PALLD: variants seen among roughly 807,000 people sequenced by gnomAD.
PALLD encodes the protein palladin, cytoskeletal associated protein, also known as palladin.
A neutral mutation model predicts 123.5 loss-of-function variants in PALLD; 61 were observed. That is an observed-to-expected ratio of 0.49 (90% CI 0.40 to 0.61). PALLD has a LOEUF of 0.61. Ranked by LOEUF, PALLD falls within the 20% of genes least tolerant of loss-of-function variation. The pLI, the probability that PALLD is intolerant of heterozygous loss-of-function variation, is 0.00. For synonymous variants in PALLD, 465 were observed against 496.4 expected, an observed-to-expected ratio of 0.94 and a Z score of 0.84; for missense variants, 1,273 against 1,377.0, an observed-to-expected ratio of 0.92 and a Z score of 1.20.
chr4:168,756,639 G>A (rs1256220514), intron 10 of PALLD, among the ~76,000 whole-genome samples: 24 of 152,184 alleles, frequency 1.6e-4, no homozygotes, highest in Non-Finnish European at 2.8e-4. Context: ...TGAAGAGTAA[G>A]GGAGAGCAAT....
Position 168,844,528 on chromosome 4 carries a change from C to G in PALLD, c.1965-46394C>G, listed in dbSNP as rs943040714. On this transcript the variant is annotated intron_variant, in intron 10 of 21. Coordinates refer to ENST00000505667, the MANE Select transcript of PALLD (RefSeq NM_001166108.2). The surrounding 1 kb of genome is among the most constrained non-coding windows in gnomAD (Gnocchi z 4.5). ...AGCTTTTCTAACACTGAACTTTTCTCTCTCCAAGTCCCAGTCGCTCGTCAA... is the reference window on the plus strand; with the variant it reads ...AGCTTTTCTAACACTGAACTTTTCTGTCTCCAAGTCCCAGTCGCTCGTCAA... 5.9e-5 allele frequency: 9 copies of G among 152,206 alleles called. No homozygotes were observed. The highest frequency in any genetic ancestry group is 2.2e-4 in the African/African-American group (9 of 41,452). The allele number at this position is 152,206 out of a possible 1,614,324, so 9.4% of individuals were successfully genotyped here. A position where few individuals can be genotyped will look rare whatever the true frequency, so the allele number is the denominator to read the frequency against.
At chr4:168,590,896 T>G (rs373723090) in intron 2 of PALLD, among the ~76,000 whole-genome samples, 16 of 53,980 alleles carry the variant, frequency 3.0e-4, no homozygotes, top group South Asian at 7.0e-4. Context: ...TTTTTTTTTT[T>G]GAGAGGGAGT....
At chr4:168,518,870 G>A (rs1403067469) in intron 2 of PALLD, among the ~76,000 whole-genome samples, 2 of 152,196 alleles carry the variant, frequency 1.3e-5, no homozygotes, top group Admixed American at 6.5e-5. Flanking sequence ...CTAGAACAGT[G>A]TCTGGCATGT....
At position 168,511,588 on chromosome 4, in the gene PALLD, G is replaced by C; in HGVS notation, c.84G>C (p.Pro28=). Residue 28 remains proline, a synonymous_variant, in exon 2 of 22, where the codon CCG becomes CCC. Transcript: ENST00000505667. The stretch of plus-strand genomic sequence containing the variant: ...AAAGCAAGAATACTGACTTCTTCCC[G>C]GGCCTTTCTGCTTTCCTCAGCCAGG... ...QEESKNTDFF[P]GLSAFLSQEE... 1 of 1,613,986 alleles carries C rather than the reference G, an allele frequency of 6.2e-7. No individual in the cohort carries two copies. Among genetic ancestry groups the C allele is most frequent in the Non-Finnish European group, 8.5e-7 (1 of 1,179,936 alleles).
chr4:168,633,660 T>C (rs550906380), intron 2 of PALLD, among the ~76,000 whole-genome samples: 17 of 152,206 alleles, frequency 1.1e-4, no homozygotes, highest in Non-Finnish European at 2.2e-4. Context: ...CAATGATTGC[T>C]CTCTAGGGCT....
chr4:168,512,315 C>A lies in PALLD; in HGVS notation c.811C>A (p.Pro271Thr). The change falls in exon 2 of 22, where the codon CCT (proline) becomes ACT (threonine). Residue 271 changes from proline (P) to threonine (T), a missense_variant. Pro to Thr is a conservative substitution (Grantham distance 38, BLOSUM62 -1). This residue lies in a region of PALLD where 944 missense variants were observed against 954.5 expected (regional missense o/e 0.99). Coordinates refer to ENST00000505667, the MANE Select transcript of PALLD (RefSeq NM_001166108.2). ...CAGCGCCCTCCACTTCCCAGCTGCACCTCGATTCATCCAAAAGCTGAGGAG... is the reference window on the plus strand; with the variant it reads ...CAGCGCCCTCCACTTCCCAGCTGCAACTCGATTCATCCAAAAGCTGAGGAG... ...PHSALHFPAAPRFIQKLRSQE... is the reference protein window; with the variant it reads ...PHSALHFPAATRFIQKLRSQE... The A allele has an allele frequency of 2.5e-6, 4 of 1,614,170 alleles. No homozygotes were observed. The highest frequency in any genetic ancestry group is 4.5e-5 in the East Asian group (2 of 44,880).
chr4:168,797,140 A>G (rs1738624292), intron 10 of PALLD, among the ~76,000 whole-genome samples: 1 of 152,210 alleles, frequency 6.6e-6, no homozygotes, highest in Non-Finnish European at 1.5e-5. Context: ...GAATATTTGA[A>G]CATTTTTATC....
chr4:168,600,054 T>TATATACATACATGTGTATACACACAC lies in PALLD; in HGVS notation c.909-68130_909-68105dup, dbSNP rs1772441288. Among the ~76,000 whole-genome samples, 17 of 131,304 alleles carry TATATACATACATGTGTATACACACAC rather than the reference T, an allele frequency of 1.3e-4. 2 individuals carry two copies. Among genetic ancestry groups the TATATACATACATGTGTATACACACAC allele is most frequent in the Admixed American group, 9.6e-4 (12 of 12,516 alleles). The allele number at this position is 131,304 out of a possible 152,430, so 86.1% of individuals were successfully genotyped here. ...ACATACATACATGTGTATACACACA[T>TATATACATACATGTGTATACACACAC]ATATACATACATGTGTATACACACA... On this transcript the variant is annotated intron_variant, in intron 2 of 21. Coordinates refer to ENST00000505667, the MANE Select transcript of PALLD (RefSeq NM_001166108.2).
At chr4:168,526,520 T>C (rs1263842242) in intron 2 of PALLD, among the ~76,000 whole-genome samples, 1 of 151,752 alleles carries the variant, frequency 6.6e-6, no homozygotes, top group Non-Finnish European at 1.5e-5. Flanking sequence ...TCACTCCCCA[T>C]ATTTAGTGCT....
chr4:168,598,375 G>T, intron 2 of PALLD: 1 of 603,290 alleles, frequency 1.7e-6, no homozygotes, highest in South Asian at 1.5e-5. Context: ...CTAACTTCCT[G>T]AGACTTGTTA....
At chr4:168,700,090 AT>A in intron 8 of PALLD, 1 of 314,588 alleles carries the variant, frequency 3.2e-6, no homozygotes, top group South Asian at 3.0e-5. Flanking sequence ...GGCTCATCTC[AT>A]TTCCTCATGG....
At chr4:168,528,208 T>C (rs1229344354) in intron 2 of PALLD, among the ~76,000 whole-genome samples, 1 of 152,176 alleles carries the variant, frequency 6.6e-6, no homozygotes, top group East Asian at 1.9e-4. Flanking sequence ...CCAGATACGG[T>C]GACACAAGCA....
At chr4:168,818,080 C>A (rs111872554) in intron 10 of PALLD, among the ~76,000 whole-genome samples, 3 of 152,306 alleles carry the variant, frequency 2.0e-5, no homozygotes, top group African/African-American at 7.2e-5. Context: ...ACCTGCCCCC[C>A]ACTTAAACTG....
In PALLD at chr4:168,709,030, G is replaced by A. The variant is rs765742926; in HGVS notation, c.1504G>A (p.Glu502Lys). ...GATTCTGTTCTCTTCACTTCCAGAG[G>A]AGATTTGCACCCTAGTTATCGCTGA... ...KKPRSTAEPE[E>K]ICTLVIAETF... Residue 502 changes from glutamate (E) to lysine (K), a missense_variant and splice_region_variant, in exon 9 of 22, where the codon GAG becomes AAG. Coordinates refer to ENST00000505667, the MANE Select transcript of PALLD (RefSeq NM_001166108.2). 6.2e-7 allele frequency: 1 copy of A among 1,613,640 alleles called. No individual in the cohort carries two copies. Among genetic ancestry groups the A allele is most frequent in the Admixed American group, 1.7e-5 (1 of 60,020 alleles).
chr4:168,602,099 G>C (rs1257788828), intron 2 of PALLD, among the ~76,000 whole-genome samples: 1 of 152,148 alleles, frequency 6.6e-6, no homozygotes, highest in Non-Finnish European at 1.5e-5. Flanking sequence ...TCAGACAGTT[G>C]GTCTGGCCAG....
chr4:168,520,217 T>G (rs1461017041), intron 2 of PALLD, among the ~76,000 whole-genome samples: 2 of 151,110 alleles, frequency 1.3e-5, no homozygotes, highest in East Asian at 3.9e-4. Context: ...TCCCAGCTAC[T>G]CGGAAGGCTG....
chr4:168,878,493 C>G (rs1752149011), intron 10 of PALLD: 4 of 815,168 alleles, frequency 4.9e-6, no homozygotes, highest in Non-Finnish European at 7.1e-6. Context: ...AGCCTGCAAC[C>G]CAGAGCGCCC....
intron 10 of PALLD, among the ~76,000 whole-genome samples, chr4:168,806,694 T>G (rs980642054): frequency 6.6e-6 from 1 of 152,188 alleles, no homozygotes; most frequent in Non-Finnish European, 1.5e-5. Flanking sequence ...CTTAACTGAG[T>G]AAAAATGTAA....
rs1296530962 is a variant in PALLD, at chr4:168,921,619, G to A, written c.2936G>A (p.Arg979His). The change falls in exon 18 of 22, where the codon CGT becomes CAT. Residue 979 changes from arginine to histidine, a missense_variant. Physicochemically the swap from Arg to His is conservative, Grantham distance 29. Coordinates refer to ENST00000505667, the MANE Select transcript of PALLD (RefSeq NM_001166108.2). ...RPDSAHKMLV[R>H]ENGVHSLIIE... ...GACAGTGCTCACAAGATGCTGGTGC[G>A]TGAGAACGGGGTGCACTCTCTGATC... 8 of 1,610,678 alleles carry A rather than the reference G, an allele frequency of 5.0e-6. No homozygotes were observed. Among genetic ancestry groups the A allele is most frequent in the East Asian group, 2.2e-5 (1 of 44,754 alleles).
Sources: allele counts gnomAD v4.1 joint callset (sites outside exome capture counted in the v4.1 genomes callset), GRCh38; gene constraint gnomAD v4.1.1; regional missense constraint gnomAD v4.1.1; non-coding constraint Gnocchi (gnomAD v3.1); transcripts MANE v1.5; gene names NCBI Gene and HGNC (gene_info 2026-07-23, HGNC 2026-07-21).